The following NCKAP5 variants were observed in gnomAD, a reference collection of about 807,000 sequenced individuals.
NCKAP5 encodes NCK associated protein 5, also known as nck-associated protein 5.
NCKAP5 carries 92 observed loss-of-function variants against 167.0 expected under a neutral mutation model. That is an observed-to-expected ratio of 0.55 (90% CI 0.47 to 0.66). The LOEUF (loss-of-function observed/expected upper bound fraction) is 0.66, where lower values mean the gene tolerates loss of function less well. NCKAP5 is among the 30% of genes least tolerant of loss of function. NCKAP5 has a pLI of 0.00. For missense variants in NCKAP5, 2,378 were observed against 2,315.0 expected, an observed-to-expected ratio of 1.03 and a Z score of -0.56; for synonymous variants, 891 against 877.4, an observed-to-expected ratio of 1.02 and a Z score of -0.27.
the NCKAP5 span, among the ~76,000 whole-genome samples, chr2:133,638,957 G>A: frequency 6.6e-6 from 1 of 151,864 alleles, no homozygotes; most frequent in African/African-American, 2.4e-5. Flanking sequence ...TTGCAAGAAT[G>A]TAAGAGGTCT....
intron 4 of NCKAP5, among the ~76,000 whole-genome samples, chr2:133,227,499 G>A (rs1193190644): frequency 6.6e-6 from 1 of 152,120 alleles, no homozygotes; most frequent in Non-Finnish European, 1.5e-5. Context: ...AAGGAGTTAG[G>A]TGACCTGTGG....
In NCKAP5 at chr2:132,794,787, G is replaced by A. The variant is rs1338047456; in HGVS notation, c.909+1841C>T. On this transcript the variant is annotated intron_variant, in intron 12 of 19. Transcript: ENST00000409261. ...GATATCCTATAATTCCCTGATGCCT[G>A]GTACCTAAGTAGTAACTACATTAGG... Among the ~76,000 whole-genome samples the A allele has an allele frequency of 4.6e-5, 7 of 151,952 alleles. No homozygotes were observed. In the South Asian group the frequency reaches 1.0e-3, roughly 22 times the overall value.
intron 15 of NCKAP5, among the ~76,000 whole-genome samples, chr2:132,780,257 T>G (rs1217036906): frequency 6.6e-6 from 1 of 152,230 alleles, no homozygotes; most frequent in Non-Finnish European, 1.5e-5. Context: ...GTTCATGCCA[T>G]TCTCCTGCCT....
intron 15 of NCKAP5, among the ~76,000 whole-genome samples, chr2:132,775,677 TTC>T (rs1558754071): frequency 6.6e-6 from 1 of 152,198 alleles, no homozygotes; most frequent in Admixed American, 6.5e-5. Context: ...CCTTCCAAGG[TTC>T]TCTTTGCTCA....
rs57357202 is a variant in NCKAP5 at position 132,939,172 on chromosome 2, ATCTCAAG to A, written c.579+24541_579+24547del. On this transcript the variant is annotated intron_variant, in intron 8 of 19. Transcript: ENST00000409261. ...AAAACACTTAAACGGTTAACTTTTG[ATCTCAAG>A]TCTTCTCCCCACAGCTTAATTTATT... Among the ~76,000 whole-genome samples the A allele has an allele frequency of 2.6e-3, 394 of 152,294 alleles. 2 individuals carry two copies. Among genetic ancestry groups the A allele is most frequent in the African/African-American group, 9.1e-3 (377 of 41,562 alleles).
the NCKAP5 span, among the ~76,000 whole-genome samples, chr2:133,577,943 C>G: frequency 6.6e-6 from 1 of 152,174 alleles, no homozygotes; most frequent in Non-Finnish European, 1.5e-5. Flanking sequence ...TCATAGAAAA[C>G]CACCTAAGAC....
At chr2:133,387,324 T>C (rs1687056568) in intron 3 of NCKAP5, among the ~76,000 whole-genome samples, 1 of 152,204 alleles carries the variant, frequency 6.6e-6, no homozygotes, top group Non-Finnish European at 1.5e-5. Flanking sequence ...TGGCTGGATA[T>C]GAAATTCTGG....
chr2:133,540,469 C>T (rs1055026508), intron 2 of NCKAP5, among the ~76,000 whole-genome samples: 1 of 152,058 alleles, frequency 6.6e-6, no homozygotes. Context: ...AAAATAAAAA[C>T]TTTTTAGACT....
At chr2:133,021,678 C>T (rs570140204) in intron 6 of NCKAP5, among the ~76,000 whole-genome samples, 45 of 152,260 alleles carry the variant, frequency 3.0e-4, no homozygotes, top group African/African-American at 1.1e-3. Flanking sequence ...GTCGCCCAGG[C>T]GGGAGTGCAG....
intron 6 of NCKAP5, among the ~76,000 whole-genome samples, chr2:133,052,741 C>T (rs1311533135): frequency 1.3e-5 from 2 of 149,966 alleles, no homozygotes; most frequent in African/African-American, 2.4e-5. Flanking sequence ...AAGGAAAGTT[C>T]GATGTAAAAA....
In NCKAP5 at chr2:133,101,361, G is replaced by T. The variant is rs558001376; in HGVS notation, c.341+28617C>A. ...CGATGCCTCCAGCTTTGTTCTTTTGGCTTAGGATTGACTTGGCGATGCGGG... is the reference window on the plus strand; with the variant it reads ...CGATGCCTCCAGCTTTGTTCTTTTGTCTTAGGATTGACTTGGCGATGCGGG... On this transcript the variant is annotated intron_variant, in intron 6 of 19. Coordinates refer to ENST00000409261, the MANE Select transcript of NCKAP5 (RefSeq NM_207363.3). Among the ~76,000 whole-genome samples the T allele has an allele frequency of 9.7e-4, 135 of 138,994 alleles. 1 individual carries two copies. The Middle Eastern group carries it at 0.014, about 14-fold the overall frequency. 91.2% of individuals were successfully genotyped at this position (138,994 alleles called of 152,430 possible).
At chr2:133,376,893 G>A (rs1421226450) in intron 3 of NCKAP5, among the ~76,000 whole-genome samples, 2 of 152,120 alleles carry the variant, frequency 1.3e-5, no homozygotes, top group African/African-American at 4.8e-5. Context: ...ATTCCTATAG[G>A]AAACTTGGAT....
intron 11 of NCKAP5, among the ~76,000 whole-genome samples, chr2:132,854,781 T>C (rs16842549): frequency 0.018 from 2,796 of 152,258 alleles, 76 homozygotes; most frequent in African/African-American, 0.064. Flanking sequence ...TTACTTTGGG[T>C]GCTCCCAATT....
intron 3 of NCKAP5, among the ~76,000 whole-genome samples, chr2:133,500,605 G>A (rs1457941329): frequency 2.6e-5 from 4 of 152,198 alleles, no homozygotes; most frequent in African/African-American, 9.7e-5. Flanking sequence ...AGTTAACAGA[G>A]CAGCTTTGGG....
chr2:132,999,391 C>T (rs2077705844), intron 6 of NCKAP5, among the ~76,000 whole-genome samples: 1 of 152,192 alleles, frequency 6.6e-6, no homozygotes, highest in Admixed American at 6.5e-5. Context: ...AATTCTCTCC[C>T]AGTTCCCAGG....
At chr2:133,313,184 C>T (rs998141755) in intron 3 of NCKAP5, among the ~76,000 whole-genome samples, 1 of 152,112 alleles carries the variant, frequency 6.6e-6, no homozygotes, top group South Asian at 2.1e-4. Flanking sequence ...CAGCCCTCTC[C>T]ACCAATTTGT....
At chr2:133,116,898 T>C (rs4953870) in intron 6 of NCKAP5, 38,661 of 152,044 alleles carry the variant, frequency 0.25, 5,780 homozygotes, top group East Asian at 0.56. Flanking sequence ...TTAAAGCATG[T>C]AGAAACACAA....
At chr2:132,827,228 A>C (rs1687191100) in intron 11 of NCKAP5, among the ~76,000 whole-genome samples, 1 of 152,224 alleles carries the variant, frequency 6.6e-6, no homozygotes, top group Non-Finnish European at 1.5e-5. Flanking sequence ...TAATTTAAAA[A>C]AGAGCATTAT....
chr2:132,919,246 G>A (rs943817305), intron 8 of NCKAP5, among the ~76,000 whole-genome samples: 2 of 152,154 alleles, frequency 1.3e-5, no homozygotes, highest in Non-Finnish European at 2.9e-5. Flanking sequence ...TGCACTTTCA[G>A]GTAGAGCACT....
Sources: gnomAD v4.1 joint callset for allele counts (sites outside exome capture counted in the v4.1 genomes callset) on GRCh38, gnomAD v4.1.1 for gene constraint, MANE v1.5 for transcripts, NCBI Gene and HGNC (gene_info 2026-07-23, HGNC 2026-07-21) for gene names.